PPP6R1: variants seen among roughly 807,000 people sequenced by gnomAD.
PPP6R1 encodes serine/threonine-protein phosphatase 6 regulatory subunit 1.
PPP6R1 carries 39 observed loss-of-function variants against 104.6 expected under a neutral mutation model. The ratio of observed to expected loss-of-function variants is 0.37; its 90% CI spans 0.29 to 0.49. The LOEUF (loss-of-function observed/expected upper bound fraction) is 0.49, where lower values mean the gene tolerates loss of function less well. PPP6R1 is among the 20% of genes least tolerant of loss of function. The probability of loss-of-function intolerance (pLI) is 0.98; values close to 1 mark genes in which losing one functional copy is unlikely to be tolerated. For synonymous variants in PPP6R1, 549 were observed against 479.0 expected, an observed-to-expected ratio of 1.15 and a Z score of -1.91; for missense variants, 1,181 against 1,155.8, an observed-to-expected ratio of 1.02 and a Z score of -0.32.
chr19:55,245,452 C>A lies in PPP6R1; in HGVS notation c.414+40G>T, dbSNP rs750719674. The A allele has an allele frequency of 1.3e-5, 21 of 1,611,470 alleles. 1 individual carries two copies. The South Asian group carries it at 2.1e-4, about 16-fold the overall frequency. On this transcript the variant is annotated intron_variant, in intron 3 of 23. Coordinates refer to ENST00000412770, the MANE Select transcript of PPP6R1 (RefSeq NM_014931.4). This position sits in a 1 kb window ranked among gnomAD's most constrained non-coding sequence, Gnocchi z 6.4. ...GCACAGGGCCTGGCCCAGCCACCAC[C>A]CCTCAACCCACGGTGGCGCCAGGGT...
rs571805410 is a variant in PPP6R1 at position 55,258,788 on chromosome 19, C to T, written c.-360G>A. 6.6e-6 allele frequency: 1 copy of T among 152,116 alleles called. No individual in the cohort carries two copies. The highest frequency in any genetic ancestry group is 1.9e-4 in the East Asian group (1 of 5,148). 9.4% of individuals were successfully genotyped at this position (152,116 alleles called of 1,614,324 possible). A position where few individuals can be genotyped will look rare whatever the true frequency, so the allele number is the denominator to read the frequency against. On this transcript the variant is annotated 5_prime_UTR_variant, in exon 1 of 24. Coordinates refer to ENST00000412770, the MANE Select transcript of PPP6R1 (RefSeq NM_014931.4). ...GCGAGGCCCACGCAGGCGCCTCAGCCGGGAAGACGGGGGAAGTTGCCCCGG... is the reference window on the plus strand; with the variant it reads ...GCGAGGCCCACGCAGGCGCCTCAGCTGGGAAGACGGGGGAAGTTGCCCCGG...
At chr19:55,239,282 G>C (rs182485275) in intron 15 of PPP6R1, 123 bp downstream of exon 15, 2 of 973,074 alleles carry the variant, frequency 2.1e-6, no homozygotes, top group Admixed American at 4.2e-5. Flanking sequence ...GTGCCCAGGA[G>C]GGGCCACAGC....
rs1026359750 is a variant in PPP6R1, at chr19:55,231,273, C to T, written c.2459+137G>A. 8.4e-5 allele frequency: 90 copies of T among 1,070,046 alleles called. No homozygotes were observed. In the East Asian group the frequency reaches 1.5e-3, roughly 18 times the overall value. 66.3% of individuals were successfully genotyped at this position (1,070,046 alleles called of 1,614,324 possible). A position where few individuals can be genotyped will look rare whatever the true frequency, so the allele number is the denominator to read the frequency against. ...GCCTACAGAGTGCAAGGGGCTGGGG[C>T]ACAACATGAGGCTGCGCCTGGGGGT... On this transcript the variant is annotated intron_variant, in intron 21 of 23. Transcript: ENST00000412770.
intron 17 of PPP6R1, among the ~76,000 whole-genome samples, chr19:55,236,160 C>T (rs1421797754): frequency 6.6e-6 from 1 of 150,544 alleles, no homozygotes; most frequent in East Asian, 2.0e-4. Flanking sequence ...AATGCATCAT[C>T]TACCTTTTTT....
At chr19:55,240,853 G>A in intron 10 of PPP6R1, 92 bp downstream of exon 10, 1 of 1,487,712 alleles carries the variant, frequency 6.7e-7, no homozygotes. Context: ...ACAAACACTT[G>A]TGGGAGGAAG....
At chr19:55,254,561 G>C (rs1487205634) in intron 1 of PPP6R1, among the ~76,000 whole-genome samples, 1 of 152,142 alleles carries the variant, frequency 6.6e-6, no homozygotes, top group Admixed American at 6.5e-5. Flanking sequence ...GTGGGCCCAT[G>C]CTTCATCTGT....
At chr19:55,234,882 A>G (rs1204272167) in intron 17 of PPP6R1, among the ~76,000 whole-genome samples, 2 of 152,000 alleles carry the variant, frequency 1.3e-5, no homozygotes, top group Non-Finnish European at 2.9e-5. Flanking sequence ...CAGAGACAAA[A>G]CTCATCTACA....
intron 13 of PPP6R1, 25 bp from the exon 14 acceptor site, chr19:55,239,708 G>T: frequency 3.1e-6 from 5 of 1,594,000 alleles, no homozygotes; most frequent in South Asian, 1.1e-5. Context: ...GGGCGTCAGG[G>T]CCTGCTGGAG....
intron 13 of PPP6R1, 65 bp from the exon 14 acceptor site, chr19:55,239,748 C>A: frequency 6.3e-7 from 1 of 1,586,654 alleles, no homozygotes; most frequent in Non-Finnish European, 8.6e-7. Context: ...AGGCAGCTAT[C>A]GGTGGCGGTG....
At chr19:55,240,155 C>T (rs2087438658) in intron 11 of PPP6R1, 41 bp from the exon 12 acceptor site, 1 of 1,561,060 alleles carries the variant, frequency 6.4e-7, no homozygotes, top group Admixed American at 1.9e-5. Flanking sequence ...CAGGACTGGA[C>T]CCAGGGATGC....
Position 55,246,961 on chromosome 19 carries a change from AG to A in PPP6R1, c.142del (p.Leu48CysfsTer38), listed in dbSNP as rs1568949684. The A allele has an allele frequency of 6.2e-7, 1 of 1,613,864 alleles. No homozygotes were observed. The highest frequency in any genetic ancestry group is 8.5e-7 in the Non-Finnish European group (1 of 1,179,858). On this transcript the variant is annotated frameshift_variant, in exon 2 of 24. Transcript: ENST00000412770. LOFTEE classifies it high-confidence loss of function. ...TGCTTGCAGGTGGGGTGGCTGCAGC[AG>A]GAAGTCCAGCAGCTTGCGGTTGACG... is the stretch of plus-strand genomic sequence containing the variant. ...KVVNRKLLDF[L>X]LQPPHLQAMV...
At chr19:55,247,435 C>A in intron 1 of PPP6R1, 1 of 366,676 alleles carries the variant, frequency 2.7e-6, no homozygotes, top group South Asian at 2.7e-5. Flanking sequence ...CTGGTGAAGT[C>A]CCCAGGTGTG....
At chr19:55,244,972 A>G in intron 5 of PPP6R1, 148 bp downstream of exon 5, 1 of 1,236,394 alleles carries the variant, frequency 8.1e-7, no homozygotes, top group South Asian at 1.4e-5. Context: ...TCATGGGCTC[A>G]AGTAATCCTC....
intron 1 of PPP6R1, 57 bp from the exon 2 acceptor site, chr19:55,247,166 A>G: frequency 6.5e-7 from 1 of 1,547,594 alleles, no homozygotes; most frequent in Non-Finnish European, 8.8e-7. Context: ...TCCCCACTGG[A>G]CGAGGCACTG....
intron 5 of PPP6R1, 81 bp from the exon 6 acceptor site, chr19:55,242,569 A>T: frequency 8.2e-7 from 1 of 1,220,668 alleles, no homozygotes; most frequent in East Asian, 2.3e-5. Context: ...CCCTCCCATG[A>T]GCTGACCATC....
rs1210538945 is a variant in PPP6R1 at position 55,241,805 on chromosome 19, G to A, written c.846-166C>T. 2.0e-5 allele frequency among the ~76,000 whole-genome samples: 3 copies of A among 152,216 alleles called. No individual in the cohort carries two copies. The East Asian group carries it at 5.8e-4, about 29-fold the overall frequency. On this transcript the variant is annotated intron_variant, in intron 7 of 23. Coordinates refer to ENST00000412770, the MANE Select transcript of PPP6R1 (RefSeq NM_014931.4). This position sits in a 1 kb window ranked among gnomAD's most constrained non-coding sequence, Gnocchi z 5.4. ...CTTCAGACAACACCTGGCTGGGGTG[G>A]GGAGCCCGCCAGGCGGCAGCATTGG...
chr19:55,258,102 G>A (rs1366232964), intron 1 of PPP6R1, among the ~76,000 whole-genome samples: 1 of 152,230 alleles, frequency 6.6e-6, no homozygotes, highest in Non-Finnish European at 1.5e-5. Context: ...ACTCCTGGGG[G>A]GCCGGGGAAC....
intron 1 of PPP6R1, among the ~76,000 whole-genome samples, chr19:55,257,835 C>T (rs2087605389): frequency 6.6e-6 from 1 of 152,258 alleles, no homozygotes; most frequent in Non-Finnish European, 1.5e-5. Flanking sequence ...GCCAGGCTCC[C>T]TGCCTGCCCT....
In PPP6R1 at chr19:55,230,958, G is replaced by A. The variant is rs772533936; in HGVS notation, c.2460-74C>T. The A allele has an allele frequency of 1.4e-5, 18 of 1,282,966 alleles. No individual in the cohort carries two copies. The East Asian group carries it at 2.6e-4, about 19-fold the overall frequency. The allele number at this position is 1,282,966 out of a possible 1,614,324, so 79.5% of individuals were successfully genotyped here. On this transcript the variant is annotated intron_variant, in intron 21 of 23. Coordinates refer to ENST00000412770, the MANE Select transcript of PPP6R1 (RefSeq NM_014931.4). ...CTGCTGACACCCTCACATCCCACCC[G>A]ACTGAAGTCGGCTCACTGGGTGTGT...
Sources: gnomAD v4.1 joint callset for allele counts (sites outside exome capture counted in the v4.1 genomes callset) on GRCh38, gnomAD v4.1.1 for gene constraint, Gnocchi (gnomAD v3.1) non-coding constraint, MANE v1.5 for transcripts, NCBI Gene and HGNC (gene_info 2026-07-23, HGNC 2026-07-21) for gene names.